Variants in SPAG6 observed in about 807,000 individuals in gnomAD.
The protein encoded by SPAG6 is sperm-associated antigen 6.
In SPAG6, 49 loss-of-function variants were observed where a neutral mutation model predicts 58.5. That is an observed-to-expected ratio of 0.84 (90% CI 0.67 to 1.06). The LOEUF (loss-of-function observed/expected upper bound fraction) is 1.06. Among genes scored for constraint, SPAG6 ranks in the 50% least tolerant of loss-of-function variants. The probability of loss-of-function intolerance (pLI) is 0.00; values close to 1 mark genes in which losing one functional copy is unlikely to be tolerated. For missense variants in SPAG6, 560 were observed against 611.3 expected (o/e 0.92, Z 0.89); for synonymous variants, 233 against 225.6 (o/e 1.03, Z -0.29).
At chr10:22,372,684 C>G (rs577343551) in intron 4 of SPAG6, among the ~76,000 whole-genome samples, 1 of 150,462 alleles carries the variant, frequency 6.6e-6, no homozygotes, top group Non-Finnish European at 1.5e-5. Flanking sequence ...TGCAAGTGTG[C>G]GGAAGTGTTT....
chr10:22,394,244 A>C (rs187427871), intron 8 of SPAG6, among the ~76,000 whole-genome samples: 1 of 152,316 alleles, frequency 6.6e-6, no homozygotes, highest in East Asian at 1.9e-4. Flanking sequence ...AATGGAAAAG[A>C]AGTTTTTTTC....
chr10:22,405,223 A>T (rs1328074609), intron 9 of SPAG6, among the ~76,000 whole-genome samples: 13 of 151,404 alleles, frequency 8.6e-5, no homozygotes, highest in Admixed American at 7.9e-4. Context: ...CCAGTTTTCA[A>T]AGGGAATGCT....
Position 22,397,477 on chromosome 10 carries a change from T to C in SPAG6, c.1198-3684T>C, listed in dbSNP as rs571311299. The stretch of plus-strand genomic sequence containing the variant: ...ACAGGCATGTACCACCATGCCTGGC[T>C]AATTTTTTTGGTATTTTTAGTAGAG... On this transcript the variant is annotated intron_variant, in intron 8 of 10. Transcript: ENST00000376624. Among the ~76,000 whole-genome samples, 8 of 152,270 alleles carry C rather than the reference T, an allele frequency of 5.3e-5. No individual in the cohort carries two copies. The South Asian group carries it at 1.7e-3, about 32-fold the overall frequency.
Position 22,417,579 on chromosome 10 carries a change from G to T in SPAG6, c.*891G>T, listed in dbSNP as rs971220651. Reference sequence around the variant, plus strand: ...TAGGAAGTGGTAAACGGGTGAAAGAGGGTTTCAATAAAATTTTAAATAAAA... The same window carrying T: ...TAGGAAGTGGTAAACGGGTGAAAGATGGTTTCAATAAAATTTTAAATAAAA... On this transcript the variant is annotated 3_prime_UTR_variant, in exon 11 of 11. Transcript: ENST00000376624. 2.6e-5 allele frequency: 4 copies of T among 152,180 alleles called. No individual in the cohort carries two copies. The highest frequency in any genetic ancestry group is 9.7e-5 in the African/African-American group (4 of 41,444). The allele number at this position is 152,180 out of a possible 1,614,324, so 9.4% of individuals were successfully genotyped here.
chr10:22,414,923 T>C (rs1834832940), intron 10 of SPAG6, among the ~76,000 whole-genome samples: 1 of 152,256 alleles, frequency 6.6e-6, no homozygotes, highest in Non-Finnish European at 1.5e-5. Flanking sequence ...TGCGCCACCA[T>C]GCCCAGCTAA....
intron 6 of SPAG6, among the ~76,000 whole-genome samples, chr10:22,388,342 G>A (rs1241009427): frequency 6.6e-6 from 1 of 152,130 alleles, no homozygotes; most frequent in African/African-American, 2.4e-5. Context: ...TATTAGCAGA[G>A]TTTGAGCTTG....
Position 22,416,755 on chromosome 10 carries a change from C to G in SPAG6, c.*67C>G, listed in dbSNP as rs1834875848. The G allele has an allele frequency of 4.5e-6, 4 of 880,822 alleles. No homozygotes were observed. The highest frequency in any genetic ancestry group is 7.6e-6 in the Non-Finnish European group (4 of 526,828). 54.6% of individuals were successfully genotyped at this position (880,822 alleles called of 1,614,324 possible). A position where few individuals can be genotyped will look rare whatever the true frequency, so the allele number is the denominator to read the frequency against. On this transcript the variant is annotated 3_prime_UTR_variant, in exon 11 of 11. Transcript: ENST00000376624. ...TTTGAGTAACAGTAATTAAATCCTTCTAAATATTTGAACTAAGTATATTCT... is the reference window on the plus strand; with the variant it reads ...TTTGAGTAACAGTAATTAAATCCTTGTAAATATTTGAACTAAGTATATTCT...
At chr10:22,390,287 G>T (rs1165422295) in intron 7 of SPAG6, among the ~76,000 whole-genome samples, 1 of 152,116 alleles carries the variant, frequency 6.6e-6, no homozygotes, top group African/African-American at 2.4e-5. Flanking sequence ...TGGTTCTTTT[G>T]TGGATAGTCA....
chr10:22,396,076 T>C (rs1056401044), intron 8 of SPAG6, among the ~76,000 whole-genome samples: 1 of 152,028 alleles, frequency 6.6e-6, no homozygotes, highest in East Asian at 1.9e-4. Context: ...AAAGGGGCAA[T>C]AAGAATGTCT....
At chr10:22,364,580 G>A (rs1837140412) in intron 2 of SPAG6, among the ~76,000 whole-genome samples, 1 of 152,068 alleles carries the variant, frequency 6.6e-6, no homozygotes, top group Non-Finnish European at 1.5e-5. Context: ...ACCCTATCAG[G>A]TAATATAGAC....
At chr10:22,403,318 T>C (rs1486470542) in intron 9 of SPAG6, among the ~76,000 whole-genome samples, 1 of 151,874 alleles carries the variant, frequency 6.6e-6, no homozygotes, top group Non-Finnish European at 1.5e-5. Context: ...CAGAGTGTGA[T>C]GTTCTCCTTC....
At chr10:22,414,262 G>A (rs1223817559) in intron 10 of SPAG6, among the ~76,000 whole-genome samples, 2 of 152,158 alleles carry the variant, frequency 1.3e-5, no homozygotes, top group Admixed American at 6.5e-5. Context: ...GTGGGTCTAG[G>A]ATAAGGTTAA....
intron 9 of SPAG6, among the ~76,000 whole-genome samples, chr10:22,405,784 G>A (rs1195648249): frequency 3.3e-5 from 5 of 152,180 alleles, no homozygotes; most frequent in Admixed American, 1.3e-4. Context: ...TTTTTGGTTC[G>A]TAAGCTATTG....
At chr10:22,406,596 G>A (rs1834562813) in intron 9 of SPAG6, among the ~76,000 whole-genome samples, 1 of 152,020 alleles carries the variant, frequency 6.6e-6, no homozygotes, top group Non-Finnish European at 1.5e-5. Context: ...GTGTGGTGCT[G>A]AAAAAAATGT....
chr10:22,386,605 G>A, intron 4 of SPAG6, 149 bp from the exon 5 acceptor site: 1 of 647,332 alleles, frequency 1.5e-6, no homozygotes, highest in South Asian at 1.8e-5. Flanking sequence ...CATGGTTTAT[G>A]AAACCAGGAA....
rs576421997 is a variant in SPAG6 at position 22,348,040 on chromosome 10, G to C, written c.121+2222G>C. Among the ~76,000 whole-genome samples, 366 of 151,748 alleles carry C rather than the reference G, an allele frequency of 2.4e-3. 1 individual carries two copies. Among genetic ancestry groups the C allele is most frequent in the African/African-American group, 8.4e-3 (345 of 41,044 alleles). ...AGAGTCTTGCTCTGTTGCCAGGCTAGAGTGCAGTGGCATGATCTCGGCTCA... is the reference window on the plus strand; with the variant it reads ...AGAGTCTTGCTCTGTTGCCAGGCTACAGTGCAGTGGCATGATCTCGGCTCA... On this transcript the variant is annotated intron_variant, in intron 2 of 10. Coordinates refer to ENST00000376624, the MANE Select transcript of SPAG6 (RefSeq NM_012443.4).
At position 22,381,480 on chromosome 10, in the gene SPAG6, T is replaced by G. The variant is rs1833954165; in HGVS notation, c.473-5274T>G. ...CCCTTGTAGATGGTCCCTAGGCTTT[T>G]GCACTTCACTACTGCTCTCCCACTC... On this transcript the variant is annotated intron_variant, in intron 4 of 10. Transcript: ENST00000376624. 2.0e-5 allele frequency among the ~76,000 whole-genome samples: 3 copies of G among 151,430 alleles called. No individual in the cohort carries two copies. The South Asian group carries it at 6.3e-4, about 32-fold the overall frequency.
chr10:22,407,827 T>C (rs1289161816), intron 9 of SPAG6, among the ~76,000 whole-genome samples: 1 of 151,920 alleles, frequency 6.6e-6, no homozygotes, highest in Non-Finnish European at 1.5e-5. Flanking sequence ...CTTGGAGGCT[T>C]TGCTCATTTC....
intron 4 of SPAG6, among the ~76,000 whole-genome samples, chr10:22,384,050 C>G (rs1442548772): frequency 1.3e-5 from 2 of 152,182 alleles, no homozygotes; most frequent in African/African-American, 4.8e-5. Context: ...TCACATGACA[C>G]AAAGTTCAGA....
Sources: allele counts gnomAD v4.1 joint callset (sites outside exome capture counted in the v4.1 genomes callset), GRCh38; gene constraint gnomAD v4.1.1; transcripts MANE v1.5; gene names NCBI Gene and HGNC (gene_info 2026-07-23, HGNC 2026-07-21).